The following ANO3 variants were observed in gnomAD, a reference collection of about 807,000 sequenced individuals.
ANO3 encodes the protein anoctamin 3.
In ANO3, 99 loss-of-function variants were observed where a neutral mutation model predicts 144.8. The ratio of observed to expected loss-of-function variants is 0.68; its 90% CI spans 0.58 to 0.81. ANO3 has a LOEUF of 0.81. Among genes scored for constraint, ANO3 ranks in the 30% least tolerant of loss-of-function variants. ANO3 has a pLI of 0.00. For synonymous variants in ANO3, 414 were observed against 392.6 expected, an observed-to-expected ratio of 1.05 and a Z score of -0.64; for missense variants, 905 against 1,202.2, an observed-to-expected ratio of 0.75 and a Z score of 3.66.
At chr11:26,414,959 A>G (rs1177931811) in intron 1 of ANO3, among the ~76,000 whole-genome samples, 1 of 151,682 alleles carries the variant, frequency 6.6e-6, no homozygotes, top group Non-Finnish European at 1.5e-5. Context: ...GTCCTGAGCC[A>G]CTCACCTCTC....
chr11:26,263,363 A>G (rs527242733), intron 1 of ANO3, among the ~76,000 whole-genome samples: 2 of 152,308 alleles, frequency 1.3e-5, no homozygotes, highest in East Asian at 3.9e-4. Flanking sequence ...TAGGGGCTGC[A>G]TCTTTCCCTC....
chr11:26,294,076 G>A (rs752954428), intron 1 of ANO3, among the ~76,000 whole-genome samples: 1 of 152,160 alleles, frequency 6.6e-6, no homozygotes, highest in Non-Finnish European at 1.5e-5. Flanking sequence ...ATGTGCAGTG[G>A]AAGCTGAAAG....
At chr11:26,643,840 A>G (rs1311298998) in intron 23 of ANO3, among the ~76,000 whole-genome samples, 1 of 152,166 alleles carries the variant, frequency 6.6e-6, no homozygotes, top group Non-Finnish European at 1.5e-5. Flanking sequence ...TGGTGTGAGG[A>G]CACAGCATTC....
At chr11:26,398,699 A>G (rs1857076357) in intron 1 of ANO3, among the ~76,000 whole-genome samples, 1 of 152,100 alleles carries the variant, frequency 6.6e-6, no homozygotes, top group African/African-American at 2.4e-5. Flanking sequence ...ACTTTCACTG[A>G]CTAGCAGAGA....
chr11:26,317,743 C>A (rs1854659967), intron 1 of ANO3, among the ~76,000 whole-genome samples: 1 of 152,172 alleles, frequency 6.6e-6, no homozygotes, highest in Admixed American at 6.5e-5. Flanking sequence ...TTTGACCCAG[C>A]AATCCCATTA....
chr11:26,381,156 T>G (rs1487916344), intron 1 of ANO3, among the ~76,000 whole-genome samples: 1 of 152,122 alleles, frequency 6.6e-6, no homozygotes, highest in Non-Finnish European at 1.5e-5. Flanking sequence ...CAGATCAGAA[T>G]GTAATAGACT....
intron 1 of ANO3, among the ~76,000 whole-genome samples, chr11:26,334,140 G>T (rs1855133913): frequency 6.6e-6 from 1 of 152,196 alleles, no homozygotes; most frequent in Non-Finnish European, 1.5e-5. Context: ...ATTTCACATT[G>T]TTTCCTTTAT....
chr11:26,507,449 A>C (rs557352419), intron 4 of ANO3, among the ~76,000 whole-genome samples: 4 of 152,334 alleles, frequency 2.6e-5, no homozygotes, highest in African/African-American at 9.6e-5. Context: ...TTTGTTTTGA[A>C]AAGTAAGCTG....
At chr11:26,416,413 G>GA (rs2133992194) in intron 1 of ANO3, among the ~76,000 whole-genome samples, 1 of 149,026 alleles carries the variant, frequency 6.7e-6, no homozygotes, top group East Asian at 2.0e-4. Flanking sequence ...TCCTGTTTTA[G>GA]TTTTTTTTTT....
intron 4 of ANO3, among the ~76,000 whole-genome samples, chr11:26,505,248 A>C (rs1018404330): frequency 6.6e-6 from 1 of 152,178 alleles, no homozygotes; most frequent in African/African-American, 2.4e-5. Context: ...AGACGATTCA[A>C]AATGTTTGGT....
intron 17 of ANO3, among the ~76,000 whole-genome samples, chr11:26,619,952 T>C (rs965466974): frequency 4.6e-5 from 7 of 152,246 alleles, no homozygotes; most frequent in African/African-American, 1.7e-4. Context: ...AGAAATCACA[T>C]CTTCCAAAAT....
At chr11:26,582,480 T>G (rs886230933) in intron 14 of ANO3, among the ~76,000 whole-genome samples, 2 of 152,194 alleles carry the variant, frequency 1.3e-5, no homozygotes, top group African/African-American at 4.8e-5. Flanking sequence ...GGTGAAAGTT[T>G]CCTGGGAAGG....
At chr11:26,219,719 C>G (rs186903445) in intron 1 of ANO3, among the ~76,000 whole-genome samples, 2 of 152,090 alleles carry the variant, frequency 1.3e-5, no homozygotes, top group East Asian at 3.9e-4. Flanking sequence ...GAGACAGAAC[C>G]CTCACACAGG....
At chr11:26,498,201 A>C (rs1861042896) in intron 4 of ANO3, among the ~76,000 whole-genome samples, 2 of 152,016 alleles carry the variant, frequency 1.3e-5, no homozygotes, top group Admixed American at 1.3e-4. Flanking sequence ...ATGTAGATAC[A>C]ACTGTAATTG....
At chr11:26,610,326 T>C (rs1022503281) in intron 17 of ANO3, among the ~76,000 whole-genome samples, 1 of 145,794 alleles carries the variant, frequency 6.9e-6, no homozygotes, top group Non-Finnish European at 1.5e-5. Context: ...TTTTTTTTTT[T>C]ACATACCTGT....
intron 1 of ANO3, among the ~76,000 whole-genome samples, chr11:26,292,181 T>C (rs1318628195): frequency 6.6e-6 from 1 of 152,152 alleles, no homozygotes; most frequent in Non-Finnish European, 1.5e-5. Context: ...ACTGATAGCC[T>C]TTCTTCCACT....
chr11:26,239,269 G>A (rs1407555642), intron 1 of ANO3, among the ~76,000 whole-genome samples: 1 of 152,046 alleles, frequency 6.6e-6, no homozygotes, highest in Admixed American at 6.6e-5. Context: ...ATTCATGTGG[G>A]ACAGCAAGCT....
chr11:26,560,945 A>G (rs1451232392), intron 14 of ANO3: 11 of 968,500 alleles, frequency 1.1e-5, no homozygotes, highest in Non-Finnish European at 1.7e-5. Context: ...TCCTGCTTTT[A>G]TGATTCTCCT....
intron 24 of ANO3, among the ~76,000 whole-genome samples, chr11:26,650,531 TTGGTGAATAAAGTTTC>T (rs1853499092): frequency 1.3e-5 from 2 of 152,182 alleles, no homozygotes; most frequent in Non-Finnish European, 2.9e-5. Flanking sequence ...TCCAAAAATA[TTGGTGAATAAAGTTTC>T]TGGTAGTTTT....
Sources: gnomAD v4.1 joint callset for allele counts (sites outside exome capture counted in the v4.1 genomes callset) on GRCh38, gnomAD v4.1.1 for gene constraint, MANE v1.5 for transcripts, NCBI Gene and HGNC (gene_info 2026-07-23, HGNC 2026-07-21) for gene names.